AOAH: variants seen among roughly 807,000 people sequenced by gnomAD.
The protein encoded by AOAH is acyloxyacyl hydrolase (neutrophil).
A neutral mutation model predicts 92.2 loss-of-function variants in AOAH; 64 were observed. That is an observed-to-expected ratio of 0.69 (90% CI 0.57 to 0.86). The LOEUF (loss-of-function observed/expected upper bound fraction) is 0.86, where lower values mean the gene tolerates loss of function less well. Ranked by LOEUF, AOAH falls within the 40% of genes least tolerant of loss-of-function variation. The probability of loss-of-function intolerance (pLI) is 0.00; values close to 1 mark genes in which losing one functional copy is unlikely to be tolerated. For missense variants in AOAH, 656 were observed against 694.6 expected (o/e 0.94, Z 0.62); for synonymous variants, 263 against 254.5 (o/e 1.03, Z -0.32).
At chr7:36,591,548 C>T in intron 12 of AOAH, among the ~76,000 whole-genome samples, 1 of 152,230 alleles carries the variant, frequency 6.6e-6, no homozygotes, top group East Asian at 1.9e-4. Context: ...AGGCTCTCAA[C>T]TTTTCCTCTT....
rs1289277882 is a variant in AOAH at position 36,517,168 on chromosome 7, T to TTCTC, written c.1600-3789_1600-3788insGAGA. The stretch of plus-strand genomic sequence containing the variant: ...TTTATCCATGTTAGTCTTTCTTTCT[T>TTCTC]TCTTTCTTTCTTTCTTTCTTTCTTT... On this transcript the variant is annotated intron_variant, in intron 20 of 20. Coordinates refer to ENST00000617537, the MANE Select transcript of AOAH (RefSeq NM_001637.4). Among the ~76,000 whole-genome samples the TTCTC allele has an allele frequency of 1.2e-3, 59 of 49,342 alleles. 1 individual carries two copies. Among genetic ancestry groups the TTCTC allele is most frequent in the Middle Eastern group, 7.4e-3 (1 of 136 alleles). The allele number at this position is 49,342 out of a possible 152,430, so 32.4% of individuals were successfully genotyped here. A position where few individuals can be genotyped will look rare whatever the true frequency, so the allele number is the denominator to read the frequency against.
intron 20 of AOAH, among the ~76,000 whole-genome samples, chr7:36,518,150 A>C (rs149722152): frequency 6.5e-4 from 99 of 152,100 alleles, no homozygotes; most frequent in African/African-American, 2.1e-3. Flanking sequence ...TTTGCTGTAC[A>C]TTATAAACAT....
intron 4 of AOAH, 86 bp downstream of exon 4, chr7:36,659,080 G>A (rs1406471968): frequency 2.8e-6 from 3 of 1,087,006 alleles, no homozygotes; most frequent in Admixed American, 1.7e-5. Flanking sequence ...AACACTGAGC[G>A]AGTAAAAGCT....
intron 1 of AOAH, among the ~76,000 whole-genome samples, chr7:36,688,492 T>G (rs1034492512): frequency 6.6e-6 from 1 of 152,106 alleles, no homozygotes; most frequent in Non-Finnish European, 1.5e-5. Flanking sequence ...CTAAATAAAT[T>G]TTAATAACTA....
At chr7:36,561,095 T>G (rs1787229553) in intron 13 of AOAH, among the ~76,000 whole-genome samples, 1 of 147,448 alleles carries the variant, frequency 6.8e-6, no homozygotes, top group African/African-American at 2.5e-5. Context: ...CAGGCTGGAG[T>G]GCAGTGGCGG....
chr7:36,514,158 G>C (rs1249772007), intron 20 of AOAH, among the ~76,000 whole-genome samples: 1 of 151,338 alleles, frequency 6.6e-6, no homozygotes, highest in Non-Finnish European at 1.5e-5. Context: ...TCTGTCTGGT[G>C]GGGGAAGGGG....
intron 15 of AOAH, 45 bp from the exon 16 acceptor site, chr7:36,540,536 T>C (rs764505940): frequency 2.8e-5 from 44 of 1,544,540 alleles, no homozygotes; most frequent in Non-Finnish European, 3.6e-5. Flanking sequence ...ATTGTAAGGA[T>C]AGATGCATGC....
At chr7:36,602,060 A>G (rs1308273341) in intron 11 of AOAH, among the ~76,000 whole-genome samples, 4 of 152,212 alleles carry the variant, frequency 2.6e-5, no homozygotes, top group African/African-American at 7.2e-5. Flanking sequence ...CTTCAGCGAA[A>G]TAAGTCACTT....
intron 13 of AOAH, among the ~76,000 whole-genome samples, chr7:36,566,443 G>C (rs1787721288): frequency 6.6e-6 from 1 of 151,512 alleles, no homozygotes; most frequent in South Asian, 2.1e-4. Flanking sequence ...GGATTCCGTG[G>C]GTTCAGGTAT....
chr7:36,623,640 C>T (rs1792440286), intron 6 of AOAH, among the ~76,000 whole-genome samples: 1 of 152,188 alleles, frequency 6.6e-6, no homozygotes. Context: ...GAAATCTTTT[C>T]TTAAAATTTT....
At chr7:36,716,283 A>T (rs1799163955) in intron 1 of AOAH, among the ~76,000 whole-genome samples, 1 of 151,704 alleles carries the variant, frequency 6.6e-6, no homozygotes, top group South Asian at 2.1e-4. Context: ...ATACCATCTC[A>T]CACCAGTTAG....
Position 36,543,779 on chromosome 7 carries a change from T to A in AOAH, c.1134-3288A>T, listed in dbSNP as rs1228144028. Among the ~76,000 whole-genome samples the A allele has an allele frequency of 5.9e-5, 9 of 152,130 alleles. 1 individual carries two copies. On this transcript the variant is annotated intron_variant, in intron 15 of 20. Transcript: ENST00000617537. ...TGTTCCACCTTGTACAACTACATAA[T>A]TTACTTTTAATTTGCATAGCAAAAT...
At position 36,677,151 on chromosome 7, in the gene AOAH, C is replaced by T. The variant is rs140713878; in HGVS notation, c.224-3142G>A. 3.5e-3 allele frequency among the ~76,000 whole-genome samples: 525 copies of T among 151,920 alleles called. 4 individuals are homozygous for T. Among genetic ancestry groups the T allele is most frequent in the African/African-American group, 0.012 (511 of 41,436 alleles). On this transcript the variant is annotated intron_variant, in intron 2 of 20. Coordinates refer to ENST00000617537, the MANE Select transcript of AOAH (RefSeq NM_001637.4). Reference sequence around the variant, plus strand: ...CACCAACAGAAAGTAAAAAGACAGCCCACAGAATGGGAGAAAATTTTTGCC... The same window carrying T: ...CACCAACAGAAAGTAAAAAGACAGCTCACAGAATGGGAGAAAATTTTTGCC...
chr7:36,651,434 T>C (rs1019129960), intron 4 of AOAH, among the ~76,000 whole-genome samples: 1 of 152,098 alleles, frequency 6.6e-6, no homozygotes, highest in Non-Finnish European at 1.5e-5. Flanking sequence ...AAAGATAACT[T>C]ATTAGGGTAC....
chr7:36,570,708 C>A (rs905122906), intron 13 of AOAH, among the ~76,000 whole-genome samples: 2 of 152,174 alleles, frequency 1.3e-5, no homozygotes, highest in African/African-American at 4.8e-5. Context: ...GAGGTGATAT[C>A]TCGTCGTGGT....
chr7:36,646,284 C>G (rs1326933588), intron 4 of AOAH, among the ~76,000 whole-genome samples: 1 of 152,220 alleles, frequency 6.6e-6, no homozygotes, highest in Non-Finnish European at 1.5e-5. Context: ...CTAGGCTTCA[C>G]AACTAATACC....
At chr7:36,622,773 TG>T (rs1432748174) in intron 7 of AOAH, among the ~76,000 whole-genome samples, 5 of 152,176 alleles carry the variant, frequency 3.3e-5, no homozygotes, top group African/African-American at 1.2e-4. Context: ...GGGCTGGCTG[TG>T]GTGGCTCATG....
At chr7:36,595,521 C>T (rs1449580215) in intron 11 of AOAH, among the ~76,000 whole-genome samples, 1 of 152,118 alleles carries the variant, frequency 6.6e-6, no homozygotes, top group African/African-American at 2.4e-5. Flanking sequence ...GGCAACAGAG[C>T]AAGACTCTGT....
chr7:36,683,485 G>A (rs1796773495), intron 2 of AOAH, among the ~76,000 whole-genome samples: 1 of 151,960 alleles, frequency 6.6e-6, no homozygotes, highest in Non-Finnish European at 1.5e-5. Context: ...AAATGGGAAA[G>A]GCATATGCAA....
Sources: allele counts gnomAD v4.1 joint callset (sites outside exome capture counted in the v4.1 genomes callset), GRCh38; gene constraint gnomAD v4.1.1; transcripts MANE v1.5; gene names NCBI Gene and HGNC (gene_info 2026-07-23, HGNC 2026-07-21).